Variants in NAPSA observed in about 807,000 individuals in gnomAD.
NAPSA encodes napsin A aspartic peptidase.
In NAPSA, 37 loss-of-function variants were observed where a neutral mutation model predicts 36.7. The observed-to-expected ratio is 1.01, with a 90% CI of 0.78 to 1.33. The LOEUF is 1.33. Ranked by LOEUF, NAPSA falls within the 40% of genes most tolerant of loss-of-function variation. The pLI, the probability that NAPSA is intolerant of heterozygous loss-of-function variation, is 0.00. For synonymous variants in NAPSA, 222 were observed against 234.5 expected (o/e 0.95, Z 0.49); for missense variants, 532 against 543.8 (o/e 0.98, Z 0.21).
At position 50,359,245 on chromosome 19, in the gene NAPSA, G is replaced by A. The variant is rs373456827; in HGVS notation, c.937-136C>T. On this transcript the variant is annotated intron_variant, in intron 7 of 8. Coordinates refer to ENST00000253719, the MANE Select transcript of NAPSA (RefSeq NM_004851.3). Reference sequence around the variant, plus strand: ...GCGTCCTGTGTGCAGAGGCCCTGCCGCCTAGACTTACGCAGTCCCAAGCAA... The same window carrying A: ...GCGTCCTGTGTGCAGAGGCCCTGCCACCTAGACTTACGCAGTCCCAAGCAA... 3.7e-5 allele frequency: 33 copies of A among 880,632 alleles called. 1 individual carries two copies. The highest frequency in any genetic ancestry group is 3.0e-4 in the African/African-American group (18 of 60,066). The allele number at this position is 880,632 out of a possible 1,614,324, so 54.6% of individuals were successfully genotyped here.
chr19:50,365,703 C>T (rs2037541168), upstream of NAPSA: 1 of 1,208,368 alleles, frequency 8.3e-7, no homozygotes. Flanking sequence ...CATGCCCCAC[C>T]TCCAGGTTTA....
chr19:50,358,586 C>A lies in NAPSA; in HGVS notation c.1230G>T (p.Trp410Cys). The change falls in exon 9 of 9, where the codon TGG becomes TGT. Residue 410 changes from tryptophan to cysteine, a missense_variant. Trp to Cys is a radical substitution (Grantham distance 215, BLOSUM62 -2). Around this residue, in one of 3 missense-constraint regions of NAPSA, gnomAD observed 385 missense variants for 371.5 expected, o/e 1.04. Coordinates refer to ENST00000253719, the MANE Select transcript of NAPSA (RefSeq NM_004851.3). ...GGAACTGCGCCTGCGCAGTCTCTCC[C>A]CATCCGAGGTCCGCTCCGCGAGTGC... ...RARTRGADLGWGETAQAQFPG is the reference protein window; with the variant it reads ...RARTRGADLGCGETAQAQFPG 1 of 1,610,088 alleles carries A rather than the reference C, an allele frequency of 6.2e-7. No homozygotes were observed. The highest frequency in any genetic ancestry group is 1.1e-5 in the South Asian group (1 of 90,688).
chr19:50,365,847 A>C, upstream of NAPSA: 1 of 410,896 alleles, frequency 2.4e-6, no homozygotes. Context: ...CTCACTCCCT[A>C]CTTGGGTGGC....
At chr19:50,365,015 AATAATAAT>A (rs1568588093) in intron 1 of NAPSA, among the ~76,000 whole-genome samples, 2 of 127,980 alleles carry the variant, frequency 1.6e-5, no homozygotes, top group Non-Finnish European at 3.1e-5. Flanking sequence ...AATAATAAAT[AATAATAAT>A]AATAATAATA....
chr19:50,368,157 C>CAAAAAAAAAA (rs56938224), upstream of NAPSA, among the ~76,000 whole-genome samples: 3 of 64,176 alleles, frequency 4.7e-5, no homozygotes, highest in Non-Finnish European at 8.7e-5. Flanking sequence ...GACTCCCTCT[C>CAAAAAAAAAA]AAAAAAAAAA....
At position 50,358,968 on chromosome 19, in the gene NAPSA, C is replaced by T. The variant is rs553693124; in HGVS notation, c.1035+43G>A. On this transcript the variant is annotated intron_variant, in intron 8 of 8. Coordinates refer to ENST00000253719, the MANE Select transcript of NAPSA (RefSeq NM_004851.3). ...GTCTCTCAGCTCTACCCTCTCAAAC[C>T]GTCATATGACGTCACTATGGCGTCA... 10 of 1,536,918 alleles carry T rather than the reference C, an allele frequency of 6.5e-6. No homozygotes were observed. The African/African-American group carries it at 1.1e-4, about 17-fold the overall frequency.
intron 7 of NAPSA, 148 bp from the exon 8 acceptor site, chr19:50,359,257 G>A (rs1001187549): frequency 2.4e-5 from 20 of 830,290 alleles, no homozygotes; most frequent in African/African-American, 1.4e-4. Context: ...CTAGACTTAC[G>A]CAGTCCCAAG....
intron 5 of NAPSA, among the ~76,000 whole-genome samples, chr19:50,360,095 C>T (rs569170963): frequency 6.6e-6 from 1 of 152,288 alleles, no homozygotes; most frequent in South Asian, 2.1e-4. Context: ...CTTCATTTGG[C>T]TGTGGAAGGT....
intron 5 of NAPSA, 86 bp downstream of exon 5, chr19:50,360,855 C>A (rs2037461886): frequency 7.6e-7 from 1 of 1,307,658 alleles, no homozygotes. Flanking sequence ...AATGAGAATT[C>A]CTGCATTGGG....
At chr19:50,366,650 T>G (rs556748283), upstream of NAPSA, among the ~76,000 whole-genome samples, 50 of 121,592 alleles carry the variant, frequency 4.1e-4, no homozygotes, top group African/African-American at 9.3e-4. Flanking sequence ...TGATGAGTTA[T>G]TTATTTATTT....
rs760590013 is a variant in NAPSA at position 50,358,511 on chromosome 19, G to T, written c.*42C>A. On this transcript the variant is annotated 3_prime_UTR_variant, in exon 9 of 9. Transcript: ENST00000253719. ...ATAGTGGATTTTTACTGGGTAGCAG[G>T]ACCTCCGCGACCACCCGCTGCGCAT... 6.8e-7 allele frequency: 1 copy of T among 1,475,342 alleles called. No individual in the cohort carries two copies. The highest frequency in any genetic ancestry group is 9.1e-7 in the Non-Finnish European group (1 of 1,095,436). The allele number at this position is 1,475,342 out of a possible 1,614,324, so 91.4% of individuals were successfully genotyped here.
intron 5 of NAPSA, among the ~76,000 whole-genome samples, 164 bp downstream of exon 5, chr19:50,360,776 TG>T (rs1381491700): frequency 6.6e-6 from 1 of 152,296 alleles, no homozygotes; most frequent in East Asian, 1.9e-4. Flanking sequence ...ACTTCCTGCA[TG>T]GAGGATGCAA....
chr19:50,358,673 A>G lies in NAPSA; in HGVS notation c.1143T>C (p.Tyr381=). 2 of 1,613,330 alleles carry G rather than the reference A, an allele frequency of 1.2e-6. No individual in the cohort carries two copies. The highest frequency in any genetic ancestry group is 1.7e-4 in the Middle Eastern group (1 of 6,060). Residue 381 remains tyrosine (Y), a synonymous_variant, in exon 9 of 9, where the codon TAT becomes TAC. Coordinates refer to ENST00000253719, the MANE Select transcript of NAPSA (RefSeq NM_004851.3). The part of the protein sequence containing the change: ...WILGDVFLGT[Y]VAVFDRGDMK... ...TGTCCCCGCGGTCGAAGACGGCCAC[A>G]TACGTCCCCAAGAAGACGTCACCGA...
Position 50,362,178 on chromosome 19 carries a change from G to T in NAPSA, c.219C>A (p.Tyr73Ter), listed in dbSNP as rs766774660. ...DKPIFVPLSN[Y>*]RDVQYFGEIG... ...GTGTGGGGCTGTGACTCACATCCCT[G>T]TAGTTCGAGAGAGGTACGAAGATGG... The change falls in exon 2 of 9, where the codon TAC (tyrosine) becomes TAA (stop). Residue 73 changes from tyrosine to a stop codon, truncating the protein, a stop_gained. Coordinates refer to ENST00000253719, the MANE Select transcript of NAPSA (RefSeq NM_004851.3). LOFTEE classifies it high-confidence loss of function. 27 of 1,613,154 alleles carry T rather than the reference G, an allele frequency of 1.7e-5. No individual in the cohort carries two copies. Among genetic ancestry groups the T allele is most frequent in the Non-Finnish European group, 2.2e-5 (26 of 1,179,482 alleles).
intron 5 of NAPSA, 109 bp from the exon 6 acceptor site, chr19:50,359,971 T>G: frequency 6.9e-7 from 1 of 1,438,868 alleles, no homozygotes; most frequent in Non-Finnish European, 9.4e-7. Context: ...TTTCTGGAGT[T>G]CCTACGGGGT....
Position 50,359,201 on chromosome 19 carries a change from T to C in NAPSA, c.937-92A>G, listed in dbSNP as rs1191133935. The C allele has an allele frequency of 8.6e-6, 10 of 1,164,460 alleles. No homozygotes were observed. In the East Asian group the frequency reaches 1.6e-4, roughly 19 times the overall value. 72.1% of individuals were successfully genotyped at this position (1,164,460 alleles called of 1,614,324 possible). ...CCAGTGCCATAGGGTAATTTCCCTA[T>C]TGAGCACCTGGGTACTCAGCGTCCT... On this transcript the variant is annotated intron_variant, in intron 7 of 8. Transcript: ENST00000253719.
intron 3 of NAPSA, 70 bp from the exon 4 acceptor site, chr19:50,361,851 C>A: frequency 6.2e-7 from 1 of 1,605,092 alleles, no homozygotes; most frequent in Non-Finnish European, 8.5e-7. Context: ...CTTTGACTTT[C>A]TGACCTGTGA....
At chr19:50,359,717 A>G (rs1238294366) in intron 6 of NAPSA, 23 bp downstream of exon 6, 1 of 1,614,176 alleles carries the variant, frequency 6.2e-7, no homozygotes, top group Non-Finnish European at 8.5e-7. Flanking sequence ...CCAGCTCCAG[A>G]GCCAGGAGAC....
Position 50,362,284 on chromosome 19 carries a change from C to T in NAPSA, c.113G>A (p.Arg38His), listed in dbSNP as rs970364451. 14 of 1,611,400 alleles carry T rather than the reference C, an allele frequency of 8.7e-6. No individual in the cohort carries two copies. The highest frequency in any genetic ancestry group is 6.7e-5 in the East Asian group (3 of 44,842). Residue 38 changes from arginine (R) to histidine (H), a missense_variant, in exon 2 of 9, where the codon CGC (arginine) becomes CAC (histidine). Arg to His is a conservative substitution (Grantham distance 29, BLOSUM62 0). This residue lies in a region of NAPSA where 102 missense variants were observed against 93.6 expected (regional missense o/e 1.09). Transcript: ENST00000253719. ...RIPLHRVQPG[R>H]RILNLLRGWR... ...TCCCCTCAGTAGGTTCAGGATCCTG[C>T]GTCCAGGTTGGACTCGATGAAGAGG...
Sources: gnomAD v4.1 joint callset for allele counts (sites outside exome capture counted in the v4.1 genomes callset) on GRCh38, gnomAD v4.1.1 for gene constraint, gnomAD v4.1.1 regional missense constraint, MANE v1.5 for transcripts, NCBI Gene and HGNC (gene_info 2026-07-23, HGNC 2026-07-21) for gene names.